The following PPP6C variants were observed in gnomAD, a reference collection of about 807,000 sequenced individuals.
PPP6C encodes the protein serine/threonine-protein phosphatase 6 catalytic subunit.
Under a neutral mutation model 39.8 loss-of-function variants are expected in PPP6C, and 11 were observed. That is an observed-to-expected ratio of 0.28 (90% CI 0.17 to 0.46). The LOEUF (loss-of-function observed/expected upper bound fraction) is 0.46, where lower values mean the gene tolerates loss of function less well. Ranked by LOEUF, PPP6C falls within the 20% of genes least tolerant of loss-of-function variation. PPP6C has a pLI of 1.00. For missense variants in PPP6C, 211 were observed against 373.9 expected (o/e 0.56, Z 3.59); for synonymous variants, 129 against 130.3 (o/e 0.99, Z 0.07).
intron 1 of PPP6C, chr9:125,172,123 C>G (rs1035044976): frequency 2.9e-6 from 1 of 347,204 alleles, no homozygotes; most frequent in Admixed American, 4.0e-5. Context: ...AACCTGGATT[C>G]ATCTCAAGGC....
At chr9:125,167,715 AT>A (rs879449302) in intron 2 of PPP6C, among the ~76,000 whole-genome samples, 107 of 141,190 alleles carry the variant, frequency 7.6e-4, no homozygotes, top group African/African-American at 1.8e-3. Context: ...AAAAAAAAAA[AT>A]TTTTTTTTTT....
intron 2 of PPP6C, among the ~76,000 whole-genome samples, chr9:125,170,464 C>A (rs573517015): frequency 1.2e-4 from 19 of 152,034 alleles, no homozygotes; most frequent in Non-Finnish European, 2.5e-4. Context: ...GTCTCAAACT[C>A]CTGACCTCAC....
chr9:125,150,016 A>G (rs1835898364), intron 6 of PPP6C, 95 bp from the exon 7 acceptor site: 1 of 1,413,100 alleles, frequency 7.1e-7, no homozygotes, highest in East Asian at 2.4e-5. Context: ...ATTACTACTA[A>G]AGGCATCAAG....
rs565579626 is a variant in PPP6C at position 125,160,989 on chromosome 9, A to C, written c.172-83T>G. 245 of 942,584 alleles carry C rather than the reference A, an allele frequency of 2.6e-4. 1 individual carries two copies. In the African/African-American group the frequency reaches 3.6e-3, roughly 14 times the overall value. The allele number at this position is 942,584 out of a possible 1,614,324, so 58.4% of individuals were successfully genotyped here. On this transcript the variant is annotated intron_variant, in intron 2 of 6. Coordinates refer to ENST00000373547, the MANE Select transcript of PPP6C (RefSeq NM_002721.5). ...AAAACTGAGAGTGAAATGTGTAAAG[A>C]AGCAGCTAAGAGGACTCCAAATATT...
chr9:125,189,077 T>C (rs1829602188), intron 1 of PPP6C: 1 of 660,416 alleles, frequency 1.5e-6, no homozygotes, highest in East Asian at 3.2e-5. Context: ...CCGACGATCC[T>C]AAAAAGCAAT....
chr9:125,169,086 C>T (rs1463826483), intron 2 of PPP6C, among the ~76,000 whole-genome samples: 2 of 152,176 alleles, frequency 1.3e-5, no homozygotes, highest in Non-Finnish European at 2.9e-5. Context: ...ACACATACAA[C>T]ATAAACAATT....
intron 4 of PPP6C, among the ~76,000 whole-genome samples, chr9:125,155,038 G>T (rs1290863327): frequency 6.6e-6 from 1 of 152,162 alleles, no homozygotes; most frequent in African/African-American, 2.4e-5. Flanking sequence ...CTTCTGAACA[G>T]CTGGAACTAC....
rs533127204 is a variant in PPP6C at position 125,149,666 on chromosome 9, G to C, written c.*7C>G. 183 of 1,612,692 alleles carry C rather than the reference G, an allele frequency of 1.1e-4. 1 individual carries two copies. In the South Asian group the frequency reaches 1.8e-3, roughly 16 times the overall value. Reference sequence around the variant, plus strand: ...AGAAAAATGGGTCAGCAGGATGGGCGAAGGCCTCAAAGGAAATATGGCGTT... The same window carrying C: ...AGAAAAATGGGTCAGCAGGATGGGCCAAGGCCTCAAAGGAAATATGGCGTT... On this transcript the variant is annotated 3_prime_UTR_variant, in exon 7 of 7. Transcript: ENST00000373547.
intron 1 of PPP6C, among the ~76,000 whole-genome samples, chr9:125,174,076 G>A (rs898966506): frequency 2.6e-5 from 4 of 152,178 alleles, no homozygotes; most frequent in Admixed American, 2.6e-4. Context: ...GGGAACTGGA[G>A]GTCTCAGGTG....
intron 4 of PPP6C, 34 bp from the exon 5 acceptor site, chr9:125,154,019 A>C: frequency 1.4e-6 from 2 of 1,450,050 alleles, no homozygotes; most frequent in Non-Finnish European, 1.9e-6. Flanking sequence ...TAATTAATGA[A>C]TCTGCTAATA....
At chr9:125,180,006 T>C (rs989410366) in intron 1 of PPP6C, among the ~76,000 whole-genome samples, 2 of 152,164 alleles carry the variant, frequency 1.3e-5, no homozygotes, top group African/African-American at 4.8e-5. Flanking sequence ...CTACATAAAA[T>C]GCATCCCTTT....
chr9:125,152,087 T>C (rs1426028964), intron 6 of PPP6C, among the ~76,000 whole-genome samples: 1 of 151,648 alleles, frequency 6.6e-6, no homozygotes, highest in Admixed American at 6.6e-5. Context: ...GAGTAGGCAG[T>C]TGGGCTTGAG....
chr9:125,171,180 G>C lies in PPP6C; in HGVS notation c.76C>G (p.Arg26Gly). The C allele has an allele frequency of 6.4e-7, 1 of 1,554,674 alleles. No individual in the cohort carries two copies. Among genetic ancestry groups the C allele is most frequent in the Non-Finnish European group, 8.7e-7 (1 of 1,143,778 alleles). The change falls in exon 2 of 7, where the codon CGG (arginine) becomes GGG (glycine). Residue 26 changes from arginine to glycine, a missense_variant and splice_region_variant. Physicochemically the swap from Arg to Gly is moderately radical, Grantham distance 125. Around this residue, in one of 2 missense-constraint regions of PPP6C, gnomAD observed 43 missense variants for 31.3 expected, o/e 1.38. Transcript: ENST00000373547. The stretch of plus-strand genomic sequence containing the variant: ...AGGTCACAAACGTAGTCACATAGCC[G>C]CTATAAAAAGAGAAAATAAAAGGTA... Reference protein sequence around the residue: ...CKYLPENDLKRLCDYVCDLLL... With the variant: ...CKYLPENDLKGLCDYVCDLLL...
intron 1 of PPP6C, chr9:125,188,996 C>A: frequency 7.1e-7 from 1 of 1,401,704 alleles, no homozygotes; most frequent in African/African-American, 1.4e-5. Context: ...TATTGAGAAC[C>A]AACTACTTTA....
In PPP6C at chr9:125,149,537, A is replaced by G. The variant is rs1024840057; in HGVS notation, c.*136T>C. The stretch of plus-strand genomic sequence containing the variant: ...ACAAACAATAAATTTAGATAATTTA[A>G]AATTTAAAAAAAAAAAGGCAAGAGG... On this transcript the variant is annotated 3_prime_UTR_variant, in exon 7 of 7. Coordinates refer to ENST00000373547, the MANE Select transcript of PPP6C (RefSeq NM_002721.5). 21 of 1,093,208 alleles carry G rather than the reference A, an allele frequency of 1.9e-5. No homozygotes were observed. The highest frequency in any genetic ancestry group is 1.4e-4 in the Admixed American group (5 of 36,542). 67.7% of individuals were successfully genotyped at this position (1,093,208 alleles called of 1,614,324 possible). A position where few individuals can be genotyped will look rare whatever the true frequency, so the allele number is the denominator to read the frequency against.
At chr9:125,174,254 C>G (rs1174471895) in intron 1 of PPP6C, among the ~76,000 whole-genome samples, 1 of 152,234 alleles carries the variant, frequency 6.6e-6, no homozygotes, top group Admixed American at 6.5e-5. Flanking sequence ...ATGAGAAACA[C>G]TTTAACAGTT....
chr9:125,169,322 T>A (rs552832138), intron 2 of PPP6C, among the ~76,000 whole-genome samples: 1 of 152,360 alleles, frequency 6.6e-6, no homozygotes, highest in Admixed American at 6.5e-5. Context: ...AAACACAAGA[T>A]ATATGTTAGC....
intron 1 of PPP6C, chr9:125,172,079 C>G (rs181513910): frequency 2.7e-6 from 1 of 373,728 alleles, no homozygotes; most frequent in East Asian, 7.7e-5. Context: ...TAATACTACT[C>G]AGCAATAAAA....
At chr9:125,184,159 G>A (rs563135212) in intron 1 of PPP6C, among the ~76,000 whole-genome samples, 5 of 152,200 alleles carry the variant, frequency 3.3e-5, no homozygotes, top group African/African-American at 4.8e-5. Context: ...AGGCCAAGGC[G>A]GGTGGATCAC....
Sources: gnomAD v4.1 joint callset for allele counts (sites outside exome capture counted in the v4.1 genomes callset) on GRCh38, gnomAD v4.1.1 for gene constraint, gnomAD v4.1.1 regional missense constraint, MANE v1.5 for transcripts, NCBI Gene and HGNC (gene_info 2026-07-23, HGNC 2026-07-21) for gene names.